The following TUBGCP3 variants were observed in gnomAD, a reference collection of about 807,000 sequenced individuals.
TUBGCP3 encodes the protein tubulin gamma complex component 3.
TUBGCP3 carries 50 observed loss-of-function variants against 123.1 expected under a neutral mutation model. That is an observed-to-expected ratio of 0.41 (90% CI 0.32 to 0.51). The LOEUF (loss-of-function observed/expected upper bound fraction) is 0.51. Among genes scored for constraint, TUBGCP3 ranks in the 20% least tolerant of loss-of-function variants. The pLI, the probability that TUBGCP3 is intolerant of heterozygous loss-of-function variation, is 0.36. For missense variants in TUBGCP3, 882 were observed against 1,127.0 expected (o/e 0.78, Z 3.11); for synonymous variants, 405 against 413.9 (o/e 0.98, Z 0.26).
At chr13:112,578,382 AC>A (rs1566592788) in intron 1 of TUBGCP3, among the ~76,000 whole-genome samples, 2 of 149,700 alleles carry the variant, frequency 1.3e-5, no homozygotes, top group South Asian at 2.1e-4. Context: ...ACACGGTGAA[AC>A]CCCGTCTCTA....
chr13:112,558,503 T>A (rs1880242661), intron 4 of TUBGCP3, 90 bp from the exon 5 acceptor site: 2 of 1,173,698 alleles, frequency 1.7e-6, no homozygotes, highest in Admixed American at 5.9e-5. Context: ...CAGATTTTCC[T>A]TCTATTTCTG....
At chr13:112,560,618 A>G (rs1028455658) in intron 3 of TUBGCP3, among the ~76,000 whole-genome samples, 1 of 152,210 alleles carries the variant, frequency 6.6e-6, no homozygotes, top group African/African-American at 2.4e-5. Flanking sequence ...TTGCATGCAC[A>G]TGTAAGTACC....
intron 11 of TUBGCP3, among the ~76,000 whole-genome samples, chr13:112,543,619 A>G (rs1043708495): frequency 6.6e-6 from 1 of 152,248 alleles, no homozygotes; most frequent in African/African-American, 2.4e-5. Flanking sequence ...CAGAAAAAAT[A>G]CAATCCAGAA....
At chr13:112,560,041 C>T (rs1051135105) in intron 3 of TUBGCP3, among the ~76,000 whole-genome samples, 7 of 149,322 alleles carry the variant, frequency 4.7e-5, no homozygotes, top group African/African-American at 1.5e-4. Context: ...GGCTGAGACA[C>T]GAGAATCACT....
At chr13:112,594,568 A>T in the TUBGCP3 span, among the ~76,000 whole-genome samples, 5 of 152,210 alleles carry the variant, frequency 3.3e-5, no homozygotes, top group Middle Eastern at 3.4e-3. Flanking sequence ...CTCTGCTTTT[A>T]TTTCATTAAT....
At chr13:112,572,419 A>C (rs1881479069) in intron 1 of TUBGCP3, among the ~76,000 whole-genome samples, 3 of 146,706 alleles carry the variant, frequency 2.0e-5, no homozygotes, top group African/African-American at 7.6e-5. Flanking sequence ...CCCGCCCCTC[A>C]CCCCCCACCC....
chr13:112,574,822 T>A (rs1881685078), intron 1 of TUBGCP3, among the ~76,000 whole-genome samples: 1 of 152,240 alleles, frequency 6.6e-6, no homozygotes, highest in Admixed American at 6.5e-5. Context: ...ATTTTCTTTA[T>A]CTGTTTGCTG....
At chr13:112,520,419 C>G (rs1258088812) in intron 14 of TUBGCP3, among the ~76,000 whole-genome samples, 1 of 152,046 alleles carries the variant, frequency 6.6e-6, no homozygotes, top group Non-Finnish European at 1.5e-5. Context: ...ATCCCAGCTA[C>G]TTTGGAGGCT....
At chr13:112,529,492 G>C (rs1439570289) in intron 11 of TUBGCP3, among the ~76,000 whole-genome samples, 1 of 152,194 alleles carries the variant, frequency 6.6e-6, no homozygotes, top group Non-Finnish European at 1.5e-5. Flanking sequence ...AGCGTGTCCA[G>C]TGCTTCCTCC....
intron 1 of TUBGCP3, among the ~76,000 whole-genome samples, chr13:112,576,107 A>T (rs1162534820): frequency 6.6e-6 from 1 of 152,254 alleles, no homozygotes; most frequent in African/African-American, 2.4e-5. Context: ...TCACTATATT[A>T]CATCTTCACA....
chr13:112,554,329 G>A, intron 7 of TUBGCP3, 147 bp from the exon 8 acceptor site: 1 of 993,232 alleles, frequency 1.0e-6, no homozygotes. Flanking sequence ...TCACTAAAGG[G>A]AAGGAAAGCA....
chr13:112,528,433 T>C lies in TUBGCP3; in HGVS notation c.1336-949A>G, dbSNP rs113533614. On this transcript the variant is annotated intron_variant, in intron 11 of 21. Transcript: ENST00000261965. Reference sequence around the variant, plus strand: ...AGATTTTGCCAGTCAGGTGGAATCATGGTTATCCTATATTGCTGTCATTAA... The same window carrying C: ...AGATTTTGCCAGTCAGGTGGAATCACGGTTATCCTATATTGCTGTCATTAA... Among the ~76,000 whole-genome samples, 1,428 of 152,310 alleles carry C rather than the reference T, an allele frequency of 9.4e-3. 21 individuals carry two copies. Among genetic ancestry groups the C allele is most frequent in the African/African-American group, 0.032 (1,337 of 41,564 alleles).
intron 3 of TUBGCP3, among the ~76,000 whole-genome samples, chr13:112,562,892 C>T (rs1220313150): frequency 6.6e-6 from 1 of 152,216 alleles, no homozygotes; most frequent in East Asian, 1.9e-4. Context: ...AGCACAAGAG[C>T]TGATCTCAGC....
Position 112,489,694 on chromosome 13 carries a change from G to A in TUBGCP3, c.2452C>T (p.Gln818Ter). ...EKKKQREIEGQWGVTAAEEEE... is the reference protein window; with the variant it reads ...EKKKQREIEG ...TCCTCTGCTGCCGTCACTCCCCACT[G>A]GCCCTGAACAATCAAAAGTACCAAA... Residue 818 changes from glutamine to a stop codon, truncating the protein, a stop_gained, in exon 21 of 22, where the codon CAG becomes TAG. Coordinates refer to ENST00000261965, the MANE Select transcript of TUBGCP3 (RefSeq NM_006322.6). LOFTEE classifies it high-confidence loss of function. 1 of 1,612,436 alleles carries A rather than the reference G, an allele frequency of 6.2e-7. No homozygotes were observed. The highest frequency in any genetic ancestry group is 8.5e-7 in the Non-Finnish European group (1 of 1,178,518).
chr13:112,512,434 A>AAAAAAG (rs1881734871), intron 17 of TUBGCP3, among the ~76,000 whole-genome samples: 1 of 149,548 alleles, frequency 6.7e-6, no homozygotes, highest in African/African-American at 2.5e-5. Context: ...TCTCAAAAAA[A>AAAAAAG]AAAAAAAAAA....
rs867028393 is a variant in TUBGCP3 at position 112,588,123 on chromosome 13, G to A, written c.-143C>T. 3 of 652,004 alleles carry A rather than the reference G, an allele frequency of 4.6e-6. No individual in the cohort carries two copies. Among genetic ancestry groups the A allele is most frequent in the Middle Eastern group, 4.6e-4 (1 of 2,164 alleles). 40.4% of individuals were successfully genotyped at this position (652,004 alleles called of 1,614,324 possible). A position where few individuals can be genotyped will look rare whatever the true frequency, so the allele number is the denominator to read the frequency against. ...GGCGCGGGCGCCGCCGGCCACCAGGGCGCCATTTTAACGGAACCCGCCGAA... is the reference window on the plus strand; with the variant it reads ...GGCGCGGGCGCCGCCGGCCACCAGGACGCCATTTTAACGGAACCCGCCGAA... On this transcript the variant is annotated 5_prime_UTR_variant, in exon 1 of 22. Transcript: ENST00000261965.
At chr13:112,528,093 A>C (rs1301414172) in intron 11 of TUBGCP3, among the ~76,000 whole-genome samples, 5 of 152,210 alleles carry the variant, frequency 3.3e-5, no homozygotes, top group Admixed American at 6.5e-5. Context: ...ACTGGCATGC[A>C]GCTCCCCTGC....
In TUBGCP3 at chr13:112,519,957, C is replaced by A. The variant is rs1876475425; in HGVS notation, c.1810G>T (p.Ala604Ser). The change falls in exon 15 of 22, where the codon GCT (alanine) becomes TCT (serine). Residue 604 changes from alanine (A) to serine (S), a missense_variant. Physicochemically the swap from Ala to Ser is moderately conservative, Grantham distance 99. Around this residue, in one of 3 missense-constraint regions of TUBGCP3, gnomAD observed 713 missense variants for 874.0 expected, o/e 0.82. Transcript: ENST00000261965. This position sits in a 1 kb window ranked among gnomAD's most constrained non-coding sequence, Gnocchi z 6.2. ...QHNLTGILET[A>S]VRATNAQFDS... Reference sequence around the variant, plus strand: ...AACTGTGCGTTGGTGGCTCTGACAGCGGTTTCTAGAATTCCAGTCAAGTTA... The same window carrying A: ...AACTGTGCGTTGGTGGCTCTGACAGAGGTTTCTAGAATTCCAGTCAAGTTA... 6.2e-7 allele frequency: 1 copy of A among 1,613,994 alleles called. No individual in the cohort carries two copies. The highest frequency in any genetic ancestry group is 1.3e-5 in the African/African-American group (1 of 75,058).
At chr13:112,489,153 C>A (rs1181437701) in intron 21 of TUBGCP3, among the ~76,000 whole-genome samples, 1 of 150,072 alleles carries the variant, frequency 6.7e-6, no homozygotes, top group East Asian at 2.0e-4. Flanking sequence ...CAGGGGCCAC[C>A]CCCAGGTCCC....
Sources: allele counts gnomAD v4.1 joint callset (sites outside exome capture counted in the v4.1 genomes callset), GRCh38; gene constraint gnomAD v4.1.1; regional missense constraint gnomAD v4.1.1; non-coding constraint Gnocchi (gnomAD v3.1); transcripts MANE v1.5; gene names NCBI Gene and HGNC (gene_info 2026-07-23, HGNC 2026-07-21).